The following XRCC4 variants were observed in gnomAD, a reference collection of about 807,000 sequenced individuals.
XRCC4 encodes DNA repair protein XRCC4.
In XRCC4, 28 loss-of-function variants were observed where a neutral mutation model predicts 39.1. That is an observed-to-expected ratio of 0.72 (90% CI 0.53 to 0.98). The LOEUF (loss-of-function observed/expected upper bound fraction) is 0.98. Among genes scored for constraint, XRCC4 ranks in the 50% least tolerant of loss-of-function variants. XRCC4 has a pLI of 0.00. For missense variants in XRCC4, 350 were observed against 376.4 expected (o/e 0.93, Z 0.58); for synonymous variants, 123 against 126.4 (o/e 0.97, Z 0.18).
At chr5:83,259,064 C>T (rs1299830025) in intron 7 of XRCC4, 1 of 186,112 alleles carries the variant, frequency 5.4e-6, no homozygotes, top group Non-Finnish European at 1.1e-5. Context: ...CATTTTTTTT[C>T]AAGTAAAATG....
At chr5:83,131,324 G>A (rs1359345462) in intron 3 of XRCC4, among the ~76,000 whole-genome samples, 8 of 151,284 alleles carry the variant, frequency 5.3e-5, no homozygotes, top group South Asian at 2.1e-4. Context: ...TGTTTAGTGC[G>A]ATGTGGTTCT....
chr5:83,347,171 ATATAT>A (rs769521367), intron 7 of XRCC4, among the ~76,000 whole-genome samples: 1 of 152,192 alleles, frequency 6.6e-6, no homozygotes, highest in Non-Finnish European at 1.5e-5. Context: ...TACATCTCTA[ATATAT>A]TATAGAGTAA....
chr5:83,117,492 A>G (rs1429909270), intron 3 of XRCC4, among the ~76,000 whole-genome samples: 1 of 152,168 alleles, frequency 6.6e-6, no homozygotes, highest in Non-Finnish European at 1.5e-5. Context: ...AAGAAAAACA[A>G]TTATTTTTGA....
intron 7 of XRCC4, among the ~76,000 whole-genome samples, chr5:83,296,184 C>G (rs1755086847): frequency 6.6e-6 from 1 of 152,076 alleles, no homozygotes; most frequent in Non-Finnish European, 1.5e-5. Flanking sequence ...ATGTAAGTTA[C>G]ATATCTCTCT....
chr5:83,310,106 A>G (rs1351051894), intron 7 of XRCC4, among the ~76,000 whole-genome samples: 2 of 152,216 alleles, frequency 1.3e-5, no homozygotes, highest in Non-Finnish European at 2.9e-5. Flanking sequence ...ATAACTGCCC[A>G]AGATCTTATA....
intron 7 of XRCC4, among the ~76,000 whole-genome samples, chr5:83,267,269 GTT>G (rs1753988827): frequency 6.6e-6 from 1 of 152,100 alleles, no homozygotes; most frequent in Non-Finnish European, 1.5e-5. Flanking sequence ...GAAGATGAAT[GTT>G]ATTTCTAAAG....
chr5:83,111,916 G>C (rs191877965), intron 3 of XRCC4, among the ~76,000 whole-genome samples: 32 of 151,996 alleles, frequency 2.1e-4, no homozygotes, highest in East Asian at 1.9e-4. Context: ...GGAGAGGGAA[G>C]GAAATGTTTG....
At chr5:83,120,855 A>G (rs1337403148) in intron 3 of XRCC4, among the ~76,000 whole-genome samples, 2 of 152,218 alleles carry the variant, frequency 1.3e-5, no homozygotes, top group South Asian at 2.1e-4. Flanking sequence ...TAAAATGTGT[A>G]CATACCCATG....
intron 3 of XRCC4, among the ~76,000 whole-genome samples, chr5:83,192,081 A>T (rs1434669569): frequency 6.6e-6 from 1 of 151,932 alleles, no homozygotes; most frequent in Non-Finnish European, 1.5e-5. Context: ...GATTAAATTT[A>T]AAAAGCTAAA....
At position 83,152,832 on chromosome 5, in the gene XRCC4, C is replaced by T. The variant is rs190191951; in HGVS notation, c.315+41629C>T. Among the ~76,000 whole-genome samples the T allele has an allele frequency of 1.2e-4, 18 of 152,184 alleles. No homozygotes were observed. In the East Asian group the frequency reaches 3.3e-3, roughly 28 times the overall value. ...TTACCCAGTTTCCCAAATGGTCGTGCAGTCGATCTACAGTACAATATCACA... is the reference window on the plus strand; with the variant it reads ...TTACCCAGTTTCCCAAATGGTCGTGTAGTCGATCTACAGTACAATATCACA... On this transcript the variant is annotated intron_variant, in intron 3 of 7. Transcript: ENST00000396027.
At chr5:83,108,403 G>A (rs537813858) in intron 2 of XRCC4, among the ~76,000 whole-genome samples, 10 of 151,406 alleles carry the variant, frequency 6.6e-5, no homozygotes, top group Non-Finnish European at 1.2e-4. Context: ...CCTTTCATAC[G>A]TTTTTTTCTC....
chr5:83,310,780 C>A, intron 7 of XRCC4: 3 of 456,542 alleles, frequency 6.6e-6, no homozygotes, highest in South Asian at 3.1e-5. Context: ...TTATAACTTT[C>A]CTTATTAGAG....
At chr5:83,240,752 A>T (rs1488099703) in intron 6 of XRCC4, among the ~76,000 whole-genome samples, 2 of 152,184 alleles carry the variant, frequency 1.3e-5, no homozygotes, top group African/African-American at 4.8e-5. Context: ...AGGAAAAACC[A>T]GTACCACGGT....
rs192513712 is a variant in XRCC4 at position 83,163,493 on chromosome 5, T to C, written c.316-32277T>C. ...ATTGGACACATAGCTGTAAATTGCA[T>C]GTCTGTTGACAGAGCACTGTAAACA... is the stretch of plus-strand genomic sequence containing the variant. On this transcript the variant is annotated intron_variant, in intron 3 of 7. Transcript: ENST00000396027. Among the ~76,000 whole-genome samples the C allele has an allele frequency of 7.9e-5, 12 of 152,318 alleles. No individual in the cohort carries two copies. In the East Asian group the frequency reaches 2.1e-3, roughly 27 times the overall value.
chr5:83,182,802 G>A (rs971014760), intron 3 of XRCC4, among the ~76,000 whole-genome samples: 1 of 152,116 alleles, frequency 6.6e-6, no homozygotes, highest in Non-Finnish European at 1.5e-5. Flanking sequence ...CTGTCATCCT[G>A]TGTGGATGCA....
intron 6 of XRCC4, among the ~76,000 whole-genome samples, chr5:83,206,267 C>G (rs1241158441): frequency 6.6e-6 from 1 of 152,030 alleles, no homozygotes; most frequent in Admixed American, 6.6e-5. Context: ...TACAACAATT[C>G]GGTGAAGGAT....
At chr5:83,100,505 G>A (rs1400749439) in intron 1 of XRCC4, among the ~76,000 whole-genome samples, 1 of 151,856 alleles carries the variant, frequency 6.6e-6, no homozygotes, top group Admixed American at 6.6e-5. Flanking sequence ...TTAAAAAAAA[G>A]CAATGAAACC....
intron 2 of XRCC4, among the ~76,000 whole-genome samples, chr5:83,106,049 T>G (rs912139688): frequency 1.3e-5 from 2 of 152,146 alleles, no homozygotes; most frequent in Non-Finnish European, 2.9e-5. Context: ...GATGTAGGGA[T>G]TCCTGTAAAA....
chr5:83,182,865 T>C (rs1750264636), intron 3 of XRCC4, among the ~76,000 whole-genome samples: 1 of 152,160 alleles, frequency 6.6e-6, no homozygotes, highest in Non-Finnish European at 1.5e-5. Flanking sequence ...CCAAATGTGC[T>C]AGCACCTTGA....
Sources: gnomAD v4.1 joint callset for allele counts (sites outside exome capture counted in the v4.1 genomes callset) on GRCh38, gnomAD v4.1.1 for gene constraint, MANE v1.5 for transcripts, NCBI Gene and HGNC (gene_info 2026-07-23, HGNC 2026-07-21) for gene names.